The following MLANA variants were observed in gnomAD, a reference collection of about 807,000 sequenced individuals.
MLANA encodes melan-A, also known as melanoma antigen recognized by T-cells 1.
MLANA carries 21 observed loss-of-function variants against 15.7 expected under a neutral mutation model. The observed-to-expected ratio is 1.33, with a 90% confidence interval of 0.95 to 1.92. MLANA has a LOEUF of 1.92. MLANA is among the 40% of genes most tolerant of loss of function. The pLI is 0.00. For missense variants in MLANA, 164 were observed against 143.8 expected (o/e 1.14, Z -0.72); for synonymous variants, 56 against 51.5 (o/e 1.09, Z -0.37).
At chr9:5,891,687 G>A (rs1382128070) in intron 1 of MLANA, among the ~76,000 whole-genome samples, 1 of 152,062 alleles carries the variant, frequency 6.6e-6, no homozygotes, top group Admixed American at 6.5e-5. Flanking sequence ...GATATTTTTT[G>A]TTGTTCATTT....
chr9:5,903,024 T>C (rs1217339342), intron 3 of MLANA, among the ~76,000 whole-genome samples: 2 of 152,358 alleles, frequency 1.3e-5, no homozygotes, highest in South Asian at 2.1e-4. Flanking sequence ...TGATATCATA[T>C]TTTAATTTCA....
chr9:5,906,963 A>C lies in MLANA; in HGVS notation c.253A>C (p.Lys85Gln), dbSNP rs199913712. ...AGAAGGGTTTGATCATCGGGACAGCAAAGTGTCTCTTCAAGAGAAAAACTG... is the reference window on the plus strand; with the variant it reads ...AGAAGGGTTTGATCATCGGGACAGCCAAGTGTCTCTTCAAGAGAAAAACTG... ...PQEGFDHRDS[K>Q]VSLQEKNCEP... The change falls in exon 4 of 5, where the codon AAA becomes CAA. Residue 85 changes from lysine (K) to glutamine (Q), a missense_variant. Transcript: ENST00000381477. 35 of 1,599,996 alleles carry C rather than the reference A, an allele frequency of 2.2e-5. No individual in the cohort carries two copies. Among genetic ancestry groups the C allele is most frequent in the African/African-American group, 2.7e-5 (2 of 73,822 alleles).
Position 5,895,189 on chromosome 9 carries a change from A to G in MLANA, c.78-2368A>G, listed in dbSNP as rs192390944. Among the ~76,000 whole-genome samples, 31 of 152,334 alleles carry G rather than the reference A, an allele frequency of 2.0e-4. 1 individual carries two copies. Among genetic ancestry groups the G allele is most frequent in the Admixed American group, 9.1e-4 (14 of 15,306 alleles). On this transcript the variant is annotated intron_variant, in intron 2 of 4. Coordinates refer to ENST00000381477, the MANE Select transcript of MLANA (RefSeq NM_005511.2). ...CCAGCACAATGAAACACTTAACTTC[A>G]GTCTGTGAGTGTAGGAACCCCTGAA...
chr9:5,900,233 C>T (rs1024930242), intron 3 of MLANA, among the ~76,000 whole-genome samples: 1 of 152,140 alleles, frequency 6.6e-6, no homozygotes, highest in Non-Finnish European at 1.5e-5. Context: ...ACACTGTGAA[C>T]ATTTTGCTTG....
intron 2 of MLANA, 50 bp from the exon 3 acceptor site, chr9:5,897,507 G>A (rs748507704): frequency 6.7e-7 from 1 of 1,503,446 alleles, no homozygotes; most frequent in East Asian, 2.3e-5. Flanking sequence ...TCATCATAAT[G>A]TAGAACAATG....
rs1453553069 is a variant in MLANA, at chr9:5,908,134, C to CT, written c.289-505dup. On this transcript the variant is annotated intron_variant, in intron 4 of 4. Coordinates refer to ENST00000381477, the MANE Select transcript of MLANA (RefSeq NM_005511.2). ...TGTGACCATGGGCAAGCGAGTTAACCTCTCTGTGCCCCAGTTTCCCATTCT... is the reference window on the plus strand; with the variant it reads ...TGTGACCATGGGCAAGCGAGTTAACCTTCTCTGTGCCCCAGTTTCCCATTCT... Among the ~76,000 whole-genome samples, 3 of 152,252 alleles carry CT rather than the reference C, an allele frequency of 2.0e-5. No individual in the cohort carries two copies. In the East Asian group the frequency reaches 5.8e-4, roughly 29 times the overall value.
chr9:5,904,776 C>CTT (rs538770905), intron 3 of MLANA, among the ~76,000 whole-genome samples: 4 of 128,948 alleles, frequency 3.1e-5, no homozygotes, highest in South Asian at 2.5e-4. Flanking sequence ...AGTTACACTT[C>CTT]TTTTTTTTTT....
chr9:5,905,290 G>A (rs147432777), intron 3 of MLANA, among the ~76,000 whole-genome samples: 1 of 152,058 alleles, frequency 6.6e-6, no homozygotes, highest in Non-Finnish European at 1.5e-5. Flanking sequence ...GGACCCCAGG[G>A]AAACCTGAAA....
chr9:5,903,581 G>C lies in MLANA; in HGVS notation c.175-3304G>C, dbSNP rs905092589. ...GGCTTTGTGTTATTTCTGATAGAGAGATGTTGAAGCCTCCAACTGTAACTC... is the reference window on the plus strand; with the variant it reads ...GGCTTTGTGTTATTTCTGATAGAGACATGTTGAAGCCTCCAACTGTAACTC... On this transcript the variant is annotated intron_variant, in intron 3 of 4. Coordinates refer to ENST00000381477, the MANE Select transcript of MLANA (RefSeq NM_005511.2). 2.0e-5 allele frequency among the ~76,000 whole-genome samples: 3 copies of C among 152,192 alleles called. No homozygotes were observed. The East Asian group carries it at 5.8e-4, about 29-fold the overall frequency.
At chr9:5,904,515 C>T (rs868034475) in intron 3 of MLANA, among the ~76,000 whole-genome samples, 36 of 152,210 alleles carry the variant, frequency 2.4e-4, no homozygotes, top group African/African-American at 6.7e-4. Context: ...CTCTGTCGCC[C>T]AGGCTGGAGT....
intron 2 of MLANA, among the ~76,000 whole-genome samples, chr9:5,896,298 C>T (rs754936469): frequency 2.0e-5 from 3 of 152,220 alleles, no homozygotes; most frequent in Admixed American, 1.3e-4. Flanking sequence ...CAAATTGGTG[C>T]TCAATGAATG....
At chr9:5,896,623 C>T (rs1832038703) in intron 2 of MLANA, among the ~76,000 whole-genome samples, 1 of 152,202 alleles carries the variant, frequency 6.6e-6, no homozygotes, top group African/African-American at 2.4e-5. Context: ...GAGTTGACAA[C>T]CACAGATAAC....
chr9:5,895,075 A>T (rs1235929966), intron 2 of MLANA, among the ~76,000 whole-genome samples: 1 of 152,202 alleles, frequency 6.6e-6, no homozygotes. Context: ...ATACCCACTC[A>T]ACCCGTATGC....
At chr9:5,904,007 G>A (rs183886643) in intron 3 of MLANA, among the ~76,000 whole-genome samples, 22 of 152,070 alleles carry the variant, frequency 1.4e-4, no homozygotes, top group Non-Finnish European at 2.6e-4. Context: ...ACAGGTGTGC[G>A]CCACCAAGCC....
chr9:5,897,506 T>C, intron 2 of MLANA, 51 bp from the exon 3 acceptor site: 1 of 1,494,048 alleles, frequency 6.7e-7, no homozygotes, highest in Non-Finnish European at 9.3e-7. Flanking sequence ...TTCATCATAA[T>C]GTAGAACAAT....
chr9:5,902,569 C>A (rs10124043), intron 3 of MLANA, among the ~76,000 whole-genome samples: 109,788 of 151,798 alleles, frequency 0.72, 39,898 homozygotes, highest in Non-Finnish European at 0.76. Flanking sequence ...GGCTCAAGCA[C>A]TCCAATCCTC....
chr9:5,907,997 ATATTTC>A (rs1397285741), intron 4 of MLANA, among the ~76,000 whole-genome samples: 1 of 152,196 alleles, frequency 6.6e-6, no homozygotes, highest in Non-Finnish European at 1.5e-5. Flanking sequence ...GGCTTGTACC[ATATTTC>A]TATTGGACAG....
intron 4 of MLANA, among the ~76,000 whole-genome samples, chr9:5,907,759 C>A (rs560361821): frequency 1.3e-5 from 2 of 152,158 alleles, no homozygotes; most frequent in Non-Finnish European, 2.9e-5. Flanking sequence ...TCGAGACCAG[C>A]CTGGCAAACA....
intron 2 of MLANA, among the ~76,000 whole-genome samples, chr9:5,893,922 G>A (rs1027380592): frequency 7.5e-6 from 1 of 132,462 alleles, no homozygotes; most frequent in Non-Finnish European, 1.6e-5. Flanking sequence ...CCCGCCCCGT[G>A]GCACCCACCC....
Sources: gnomAD v4.1 joint callset for allele counts (sites outside exome capture counted in the v4.1 genomes callset) on GRCh38, gnomAD v4.1.1 for gene constraint, MANE v1.5 for transcripts, NCBI Gene and HGNC (gene_info 2026-07-23, HGNC 2026-07-21) for gene names.